MDFIC2: variants seen among roughly 807,000 people sequenced by gnomAD.
MDFIC2 encodes myoD family inhibitor domain-containing protein 2.
intron 3 of MDFIC2, chr3:70,205,188 A>G (rs887226650): frequency 6.6e-6 from 1 of 152,004 alleles, no homozygotes; most frequent in African/African-American, 2.4e-5. Flanking sequence ...TGGTCTCTGG[A>G]TTTTCTTGGA....
At chr3:70,257,908 T>C (rs1240246753) in intron 2 of MDFIC2, among the ~76,000 whole-genome samples, 2 of 152,194 alleles carry the variant, frequency 1.3e-5, no homozygotes, top group African/African-American at 4.8e-5. Context: ...CATGACAGCA[T>C]GGTATTGGTG....
intron 3 of MDFIC2, among the ~76,000 whole-genome samples, chr3:70,198,435 T>A (rs534250104): frequency 1.3e-5 from 2 of 152,194 alleles, no homozygotes; most frequent in East Asian, 3.8e-4. Flanking sequence ...ATTATTCATA[T>A]AATAGTCTTT....
intron 2 of MDFIC2, among the ~76,000 whole-genome samples, chr3:70,305,782 A>G (rs1001230050): frequency 1.3e-5 from 2 of 152,220 alleles, no homozygotes; most frequent in Non-Finnish European, 2.9e-5. Context: ...TATGAATGTC[A>G]ATAAATGTGG....
chr3:70,288,135 T>C (rs1702188048), intron 2 of MDFIC2, among the ~76,000 whole-genome samples: 1 of 145,674 alleles, frequency 6.9e-6, no homozygotes, highest in South Asian at 2.3e-4. Context: ...TTTCTAGTTC[T>C]TTTAATTGTG....
intron 3 of MDFIC2, among the ~76,000 whole-genome samples, chr3:70,197,780 T>C (rs896764196): frequency 2.0e-5 from 3 of 152,198 alleles, no homozygotes; most frequent in African/African-American, 7.2e-5. Flanking sequence ...TCCGTTTCCC[T>C]CCAGTTATGT....
intron 2 of MDFIC2, among the ~76,000 whole-genome samples, chr3:70,262,074 T>C (rs1701871963): frequency 1.3e-5 from 2 of 152,148 alleles, no homozygotes; most frequent in Admixed American, 1.3e-4. Flanking sequence ...AATCTCACGA[T>C]AAAGCCTTTT....
At chr3:70,218,290 A>G (rs946157768) in intron 2 of MDFIC2, among the ~76,000 whole-genome samples, 53 of 152,160 alleles carry the variant, frequency 3.5e-4, no homozygotes, top group Non-Finnish European at 1.2e-4. Context: ...TACAGTGAAT[A>G]TGGTAGCATG....
At chr3:70,301,380 A>G (rs375155283) in intron 2 of MDFIC2, among the ~76,000 whole-genome samples, 3 of 152,058 alleles carry the variant, frequency 2.0e-5, no homozygotes, top group Admixed American at 6.6e-5. Flanking sequence ...ATGTTCTATT[A>G]TATTTCAAAT....
chr3:70,220,297 G>A (rs1701450418), intron 2 of MDFIC2, among the ~76,000 whole-genome samples: 1 of 152,192 alleles, frequency 6.6e-6, no homozygotes, highest in South Asian at 2.1e-4. Flanking sequence ...TAGGCTCAGT[G>A]TCTCATGCCT....
chr3:70,294,887 GA>G (rs1702275038), intron 2 of MDFIC2, among the ~76,000 whole-genome samples: 2 of 151,806 alleles, frequency 1.3e-5, no homozygotes, highest in Non-Finnish European at 2.9e-5. Flanking sequence ...CTTTTTTTGT[GA>G]ACCATCTTAA....
At chr3:70,289,608 C>T (rs1480303214) in intron 2 of MDFIC2, among the ~76,000 whole-genome samples, 5 of 149,870 alleles carry the variant, frequency 3.3e-5, no homozygotes, top group Admixed American at 6.7e-5. Context: ...CGTTGGCCTG[C>T]CTTGCTAGAT....
chr3:70,246,874 T>A (rs143851163), intron 2 of MDFIC2, among the ~76,000 whole-genome samples: 1 of 152,062 alleles, frequency 6.6e-6, no homozygotes, highest in Admixed American at 6.6e-5. Flanking sequence ...GTAAATATGT[T>A]TTCTTCTTCA....
rs935624003 is a variant in MDFIC2 at position 70,230,632 on chromosome 3, C to CA, written c.89-23843dup. On this transcript the variant is annotated intron_variant, in intron 2 of 3. Transcript: ENST00000567252. ...AAAAACTGGTTTAATTTAACAACAA[C>CA]AAAAAAAGTTGAGCTGCAATGACAG... Among the ~76,000 whole-genome samples the CA allele has an allele frequency of 7.9e-5, 12 of 152,188 alleles. No homozygotes were observed. In the South Asian group the frequency reaches 2.5e-3, roughly 32 times the overall value.
intron 2 of MDFIC2, among the ~76,000 whole-genome samples, chr3:70,214,417 G>C (rs1165904832): frequency 1.3e-5 from 2 of 151,900 alleles, no homozygotes; most frequent in Admixed American, 6.6e-5. Context: ...AATCAGGCTT[G>C]GTAAATCTTT....
At chr3:70,273,027 A>G (rs1701988944) in intron 2 of MDFIC2, among the ~76,000 whole-genome samples, 1 of 152,122 alleles carries the variant, frequency 6.6e-6, no homozygotes, top group African/African-American at 2.4e-5. Flanking sequence ...TCCACCTCCA[A>G]ATATCCTTCT....
chr3:70,233,462 T>C (rs1331197854), intron 2 of MDFIC2, among the ~76,000 whole-genome samples: 2 of 152,216 alleles, frequency 1.3e-5, no homozygotes, highest in Non-Finnish European at 2.9e-5. Flanking sequence ...CTTTTCGTTG[T>C]TTGCTGTTTA....
At chr3:70,309,399 A>T (rs549318014) in intron 2 of MDFIC2, among the ~76,000 whole-genome samples, 1 of 152,348 alleles carries the variant, frequency 6.6e-6, no homozygotes, top group East Asian at 1.9e-4. Flanking sequence ...TAAGCTCTCA[A>T]AAAACATAAC....
At chr3:70,201,069 G>T (rs911215830) in intron 3 of MDFIC2, among the ~76,000 whole-genome samples, 3 of 150,952 alleles carry the variant, frequency 2.0e-5, no homozygotes, top group African/African-American at 7.3e-5. Context: ...CATTTATTAA[G>T]TTCAGGGGTC....
At chr3:70,275,275 C>T (rs1702012562) in intron 2 of MDFIC2, among the ~76,000 whole-genome samples, 1 of 152,106 alleles carries the variant, frequency 6.6e-6, no homozygotes, top group Admixed American at 6.6e-5. Flanking sequence ...GTAATCTCAG[C>T]ACTTTGGCAG....
Sources: gnomAD v4.1 joint callset for allele counts (sites outside exome capture counted in the v4.1 genomes callset) on GRCh38, gnomAD v4.1.1 for gene constraint, MANE v1.5 for transcripts, NCBI Gene and HGNC (gene_info 2026-07-23, HGNC 2026-07-21) for gene names.